Variants in BCAR3 observed in about 807,000 individuals in gnomAD.
BCAR3 encodes BCAR3 adaptor protein, NSP family member.
A neutral mutation model predicts 80.1 loss-of-function variants in BCAR3; 37 were observed. The observed-to-expected ratio is 0.46, with a 90% CI of 0.36 to 0.61. BCAR3 has a LOEUF of 0.61. Ranked by LOEUF, BCAR3 falls within the 20% of genes least tolerant of loss-of-function variation. The pLI, the probability that BCAR3 is intolerant of heterozygous loss-of-function variation, is 0.00. For missense variants in BCAR3, 978 were observed against 1,068.2 expected, an observed-to-expected ratio of 0.92 and a Z score of 1.18; for synonymous variants, 389 against 418.9, an observed-to-expected ratio of 0.93 and a Z score of 0.87.
intron 8 of BCAR3, among the ~76,000 whole-genome samples, chr1:93,572,474 G>A (rs1673258884): frequency 6.6e-6 from 1 of 152,192 alleles, no homozygotes; most frequent in Non-Finnish European, 1.5e-5. Context: ...TAATAAAATC[G>A]AAATCTCATT....
At chr1:93,773,350 G>A (rs1458607042) in intron 2 of BCAR3, among the ~76,000 whole-genome samples, 2 of 152,156 alleles carry the variant, frequency 1.3e-5, no homozygotes, top group East Asian at 1.9e-4. Flanking sequence ...GCTAATGAAT[G>A]CTTAACAAAA....
chr1:93,672,113 G>C (rs1378734719), intron 2 of BCAR3, among the ~76,000 whole-genome samples: 1 of 152,148 alleles, frequency 6.6e-6, no homozygotes, highest in Non-Finnish European at 1.5e-5. Flanking sequence ...CCCTAAACCA[G>C]GAGTGCTTGT....
chr1:93,673,619 C>T (rs1180808921), intron 2 of BCAR3, among the ~76,000 whole-genome samples: 1 of 152,214 alleles, frequency 6.6e-6, no homozygotes. Context: ...AGTGCAGTTT[C>T]CAAACTAGCT....
intron 2 of BCAR3, among the ~76,000 whole-genome samples, chr1:93,756,821 A>G (rs1441615413): frequency 6.6e-6 from 1 of 152,172 alleles, no homozygotes; most frequent in East Asian, 1.9e-4. Flanking sequence ...GCACTCAGAG[A>G]GTCTCATGGC....
At chr1:93,681,845 C>CG (rs1426574753), upstream of BCAR3, 1 of 152,144 alleles carries the variant, frequency 6.6e-6, no homozygotes, top group African/African-American at 2.4e-5. Context: ...TCTGAGCCGG[C>CG]GGCGCGCACT....
Position 93,710,291 on chromosome 1 carries a change from G to T in BCAR3, c.-62-4149C>A, listed in dbSNP as rs116767420. Among the ~76,000 whole-genome samples the T allele has an allele frequency of 3.9e-3, 591 of 152,328 alleles. 3 individuals carry two copies. The highest frequency in any genetic ancestry group is 0.024 in the Middle Eastern group (7 of 294). ...TCAGGGAAGCACAGCTCTCTGCTGG[G>T]CCTGGCTGCCTGGCATGGCTGGAGC... On this transcript the variant is annotated intron_variant, in intron 2 of 13. Coordinates refer to the BCAR3 transcript ENST00000370244.
chr1:93,685,262 C>T (rs1295134344), upstream of BCAR3, among the ~76,000 whole-genome samples: 1 of 152,186 alleles, frequency 6.6e-6, no homozygotes, highest in Non-Finnish European at 1.5e-5. Flanking sequence ...CCTCTTACCT[C>T]TGTCTCCCAT....
intron 2 of BCAR3, among the ~76,000 whole-genome samples, chr1:93,734,710 G>A (rs1650916265): frequency 6.6e-6 from 1 of 152,130 alleles, no homozygotes; most frequent in African/African-American, 2.4e-5. Context: ...GGCAAATCAG[G>A]AAGCCAAGGC....
rs1463548079 is a variant in BCAR3, at chr1:93,592,763, C to T, written c.358-370G>A. ...CTCCTTCAGGACTGTCCTGACATAG[C>T]GTGGGGAGGGCAGCTGTTCCCTTCT... On this transcript the variant is annotated intron_variant, in intron 3 of 11. Transcript: ENST00000260502. This position sits in a 1 kb window ranked among gnomAD's most constrained non-coding sequence, Gnocchi z 4.8. Among the ~76,000 whole-genome samples, 1 of 152,162 alleles carries T rather than the reference C, an allele frequency of 6.6e-6. No homozygotes were observed. The highest frequency in any genetic ancestry group is 6.5e-5 in the Admixed American group (1 of 15,284).
chr1:93,581,159 C>T (rs1673690681), intron 7 of BCAR3, among the ~76,000 whole-genome samples: 1 of 146,202 alleles, frequency 6.8e-6, no homozygotes. Context: ...GAGACCCTGT[C>T]TCAGAAAAAA....
chr1:93,585,793 A>C (rs7514579), intron 5 of BCAR3, among the ~76,000 whole-genome samples: 44,813 of 151,944 alleles, frequency 0.29, 8,162 homozygotes, highest in African/African-American at 0.52. Flanking sequence ...GGCTGGAGTG[A>C]AGTGGCATGG....
At chr1:93,836,842 A>ATCG (rs1654786352) in intron 2 of BCAR3, among the ~76,000 whole-genome samples, 1 of 151,992 alleles carries the variant, frequency 6.6e-6, no homozygotes. Flanking sequence ...AACCTTGTGA[A>ATCG]ATTCCTTCTC....
intron 2 of BCAR3, among the ~76,000 whole-genome samples, chr1:93,825,969 CAG>C (rs1191653122): frequency 1.3e-5 from 2 of 152,140 alleles, no homozygotes; most frequent in Non-Finnish European, 2.9e-5. Context: ...TCTTTCAAAG[CAG>C]AGAGTGAGAA....
chr1:93,759,479 T>C (rs1030782267), intron 2 of BCAR3, among the ~76,000 whole-genome samples: 4 of 152,118 alleles, frequency 2.6e-5, no homozygotes, highest in Non-Finnish European at 4.4e-5. Flanking sequence ...GCGGCCTCTA[T>C]GGGTGCTAGG....
At chr1:93,569,789 T>C (rs747097052) in intron 9 of BCAR3, among the ~76,000 whole-genome samples, 7 of 152,294 alleles carry the variant, frequency 4.6e-5, no homozygotes, top group Admixed American at 1.3e-4. Context: ...GGTAATGTGG[T>C]TGGGGACAAG....
intron 3 of BCAR3, among the ~76,000 whole-genome samples, chr1:93,618,162 CTTGCT>C (rs1675196598): frequency 6.6e-6 from 1 of 152,254 alleles, no homozygotes; most frequent in Non-Finnish European, 1.5e-5. Flanking sequence ...TGATTGATTT[CTTGCT>C]CCGAAAGGGA....
At position 93,816,544 on chromosome 1, in the gene BCAR3, G is replaced by A. The variant is rs145056433; in HGVS notation, c.-63+29023C>T. 3.3e-3 allele frequency among the ~76,000 whole-genome samples: 496 copies of A among 151,492 alleles called. 2 individuals are homozygous for A. Among genetic ancestry groups the A allele is most frequent in the African/African-American group, 0.011 (459 of 41,240 alleles). On this transcript the variant is annotated intron_variant, in intron 2 of 13. Coordinates refer to the BCAR3 transcript ENST00000370244. Reference sequence around the variant, plus strand: ...AAATTAGCTGTGTGTGGTGGTGGGCGCCTGTAATCCCAGTTACTCAAGAGG... The same window carrying A: ...AAATTAGCTGTGTGTGGTGGTGGGCACCTGTAATCCCAGTTACTCAAGAGG...
intron 3 of BCAR3, among the ~76,000 whole-genome samples, chr1:93,639,234 G>A (rs1675902154): frequency 6.6e-6 from 1 of 152,088 alleles, no homozygotes; most frequent in Non-Finnish European, 1.5e-5. Context: ...ACGGTGCACG[G>A]TGCTAGGAGG....
In BCAR3 at chr1:93,576,111, C is replaced by T; in HGVS notation, c.1705G>A (p.Val569Ile). 1.2e-6 allele frequency: 2 copies of T among 1,614,186 alleles called. No homozygotes were observed. The highest frequency in any genetic ancestry group is 8.5e-7 in the Non-Finnish European group (1 of 1,180,022). ...ATGTTCCTCCTCATCTCTTCAGAGA[C>T]TCCAAGTATCCTAGCAACCTGTCAA... is the stretch of plus-strand genomic sequence containing the variant. The part of the protein sequence containing the change: ...MDCRVARILG[V>I]SEEMRRNMGV... Residue 569 changes from valine (V) to isoleucine (I), a missense_variant, in exon 8 of 12, where the codon GTC (valine) becomes ATC (isoleucine). Transcript: ENST00000260502.
Sources: gnomAD v4.1 joint callset for allele counts (sites outside exome capture counted in the v4.1 genomes callset) on GRCh38, gnomAD v4.1.1 for gene constraint, Gnocchi (gnomAD v3.1) non-coding constraint, MANE v1.5 for transcripts, NCBI Gene and HGNC (gene_info 2026-07-23, HGNC 2026-07-21) for gene names.